The following LRRC53 variants were observed in gnomAD, a reference collection of about 807,000 sequenced individuals.
LRRC53 encodes the protein leucine-rich repeat-containing protein 53.
A neutral mutation model predicts 13.6 loss-of-function variants in LRRC53; 25 were observed. The observed-to-expected ratio is 1.83, with a 90% CI of 1.34 to 2.56. The LOEUF is 2.56. Among genes scored for constraint, LRRC53 ranks in the 30% most tolerant of loss-of-function variants. The probability of loss-of-function intolerance (pLI) is 0.00; values close to 1 mark genes in which losing one functional copy is unlikely to be tolerated. For synonymous variants in LRRC53, 204 were observed against 109.8 expected, an observed-to-expected ratio of 1.86 and a Z score of -5.37; for missense variants, 527 against 275.8, an observed-to-expected ratio of 1.91 and a Z score of -6.45.
upstream of LRRC53, among the ~76,000 whole-genome samples, chr1:74,514,492 A>G (rs1646319820): frequency 6.6e-6 from 1 of 152,216 alleles, no homozygotes; most frequent in South Asian, 2.1e-4. Flanking sequence ...CTTAAGAAGA[A>G]AAGTCTTGAT....
intron 3 of LRRC53, 98 bp downstream of exon 3, chr1:74,480,055 C>T: frequency 1.6e-6 from 1 of 620,996 alleles, no homozygotes; most frequent in Non-Finnish European, 2.9e-6. Flanking sequence ...TTTCCATAGC[C>T]CTGGCAACCA....
At chr1:74,525,743 C>A in the LRRC53 span, among the ~76,000 whole-genome samples, 1 of 152,178 alleles carries the variant, frequency 6.6e-6, no homozygotes, top group Non-Finnish European at 1.5e-5. Context: ...CTTCTTACAG[C>A]ATCCACAGTC....
intron 1 of LRRC53, among the ~76,000 whole-genome samples, chr1:74,486,201 A>AAGAGAGAGAG (rs58506314): frequency 0.036 from 4,932 of 136,422 alleles, 144 homozygotes; most frequent in Non-Finnish European, 0.046. Context: ...AAATGCTATA[A>AAGAGAGAGAG]AGAGAGAGAG....
At chr1:74,485,375 A>G (rs1029650835) in intron 1 of LRRC53, among the ~76,000 whole-genome samples, 5 of 152,192 alleles carry the variant, frequency 3.3e-5, no homozygotes, top group Non-Finnish European at 7.4e-5. Flanking sequence ...CTGGCCGGTT[A>G]GTCGGCCTCA....
intron 3 of LRRC53, among the ~76,000 whole-genome samples, chr1:74,478,227 T>A (rs1419177180): frequency 6.6e-6 from 1 of 152,146 alleles, no homozygotes; most frequent in South Asian, 2.1e-4. Context: ...AAGAAGAATC[T>A]CTTCTCAAAG....
upstream of LRRC53, among the ~76,000 whole-genome samples, chr1:74,517,607 A>G (rs1196030306): frequency 1.3e-5 from 2 of 152,222 alleles, no homozygotes; most frequent in Admixed American, 6.5e-5. Context: ...AGCATTATGT[A>G]TAATCTGCTA....
intron 1 of LRRC53, among the ~76,000 whole-genome samples, chr1:74,503,101 G>A (rs1351347639): frequency 6.6e-6 from 1 of 152,068 alleles, no homozygotes; most frequent in East Asian, 1.9e-4. Flanking sequence ...CACTGTGGTA[G>A]CCAAATGCAG....
At chr1:74,483,200 G>A in intron 2 of LRRC53, 62 bp downstream of exon 2, 1 of 708,928 alleles carries the variant, frequency 1.4e-6, no homozygotes, top group Admixed American at 2.0e-5. Context: ...ACAATGAAAG[G>A]TATGGCAACC....
At chr1:74,519,711 G>T in the LRRC53 span, among the ~76,000 whole-genome samples, 1 of 152,076 alleles carries the variant, frequency 6.6e-6, no homozygotes, top group African/African-American at 2.4e-5. Flanking sequence ...ATCTTTAAAA[G>T]AAAATTACAT....
At position 74,493,149 on chromosome 1, in the gene LRRC53, A is replaced by T. The variant is rs546244404; in HGVS notation, c.-26-9774T>A. The stretch of plus-strand genomic sequence containing the variant: ...TTTGAGGAGGGTCACACTCCAGTCC[A>T]TAGCAATAGGTAAATCTATAAAAAC... On this transcript the variant is annotated intron_variant, in intron 1 of 4. Transcript: ENST00000294635. Among the ~76,000 whole-genome samples the T allele has an allele frequency of 2.6e-5, 4 of 152,326 alleles. No individual in the cohort carries two copies. In the East Asian group the frequency reaches 7.7e-4, roughly 29 times the overall value.
chr1:74,474,848 A>C (rs1326614455), intron 4 of LRRC53, among the ~76,000 whole-genome samples: 5 of 151,972 alleles, frequency 3.3e-5, no homozygotes, highest in Non-Finnish European at 5.9e-5. Flanking sequence ...TCCTGAAATG[A>C]ATCACTAGCA....
chr1:74,507,224 C>CCG (rs1553153837), intron 1 of LRRC53, among the ~76,000 whole-genome samples: 3 of 27,074 alleles, frequency 1.1e-4, no homozygotes, highest in Non-Finnish European at 2.7e-4. Flanking sequence ...AATTTCTTCA[C>CCG]CCCCCCCCCA....
chr1:74,483,307 A>T lies in LRRC53; in HGVS notation c.43T>A (p.Cys15Ser). The part of the protein sequence containing the change: ...VAACPESCVV[C>S]TKDVTLCHQL... ...TGACAGAGGGTTACATCTTTGGTGC[A>T]CACCACACATGACTCAGGGCAAGCT... The change falls in exon 2 of 5, where the codon TGC becomes AGC. Residue 15 changes from cysteine (C) to serine (S), a missense_variant. Coordinates refer to ENST00000294635, the MANE Select transcript of LRRC53 (RefSeq NM_001382280.1). 1 of 717,558 alleles carries T rather than the reference A, an allele frequency of 1.4e-6. No individual in the cohort carries two copies. The highest frequency in any genetic ancestry group is 2.6e-6 in the Non-Finnish European group (1 of 385,008). 44.4% of individuals were successfully genotyped at this position (717,558 alleles called of 1,614,324 possible). A position where few individuals can be genotyped will look rare whatever the true frequency, so the allele number is the denominator to read the frequency against.
intron 2 of LRRC53, among the ~76,000 whole-genome samples, chr1:74,482,389 G>C (rs1447371117): frequency 1.3e-5 from 2 of 152,194 alleles, no homozygotes; most frequent in African/African-American, 4.8e-5. Flanking sequence ...AACTGTCTCT[G>C]ATCAGGAAAA....
chr1:74,472,120 G>C lies in LRRC53; in HGVS notation c.1502C>G (p.Thr501Arg). ...TATTGGAGGCTGCCATGATTCATTT[G>C]TTAAACGCTTCTCAAGACTTTCTCC... ...LAGESLEKRLTNESWQPPIEK... is the reference protein window; with the variant it reads ...LAGESLEKRLRNESWQPPIEK... Residue 501 changes from threonine to arginine, a missense_variant, in exon 5 of 5, where the codon ACA becomes AGA. Thr to Arg is a moderately conservative substitution (Grantham distance 71, BLOSUM62 -1). Coordinates refer to ENST00000294635, the MANE Select transcript of LRRC53 (RefSeq NM_001382280.1). 1 of 717,188 alleles carries C rather than the reference G, an allele frequency of 1.4e-6. No individual in the cohort carries two copies. The highest frequency in any genetic ancestry group is 2.0e-5 in the Admixed American group (1 of 49,988). The allele number at this position is 717,188 out of a possible 1,614,324, so 44.4% of individuals were successfully genotyped here. A position where few individuals can be genotyped will look rare whatever the true frequency, so the allele number is the denominator to read the frequency against.
At chr1:74,498,249 A>G (rs778509618) in intron 1 of LRRC53, among the ~76,000 whole-genome samples, 11 of 152,172 alleles carry the variant, frequency 7.2e-5, no homozygotes, top group African/African-American at 2.7e-4. Context: ...TTTAACCTTG[A>G]CATCCCCCTT....
chr1:74,523,481 C>T, the LRRC53 span, among the ~76,000 whole-genome samples: 2 of 150,224 alleles, frequency 1.3e-5, no homozygotes, highest in East Asian at 4.0e-4. Context: ...AAAGCAACAA[C>T]AAGAAAGAGA....
chr1:74,497,538 A>G lies in LRRC53; in HGVS notation c.-26-14163T>C, dbSNP rs139886028. ...GTCTTCTTGTTGTTTCTACAATCCC[A>G]TGGCTTCAACTCACACCACATACAT... On this transcript the variant is annotated intron_variant, in intron 1 of 4. Coordinates refer to ENST00000294635, the MANE Select transcript of LRRC53 (RefSeq NM_001382280.1). Among the ~76,000 whole-genome samples, 28 of 151,808 alleles carry G rather than the reference A, an allele frequency of 1.8e-4. No homozygotes were observed. The South Asian group carries it at 3.5e-3, about 19-fold the overall frequency.
chr1:74,486,355 T>C (rs1668764753), intron 1 of LRRC53, among the ~76,000 whole-genome samples: 1 of 152,082 alleles, frequency 6.6e-6, no homozygotes, highest in Admixed American at 6.6e-5. Flanking sequence ...GAGTTTCTCG[T>C]TGTTTTCTGT....
Sources: gnomAD v4.1 joint callset for allele counts (sites outside exome capture counted in the v4.1 genomes callset) on GRCh38, gnomAD v4.1.1 for gene constraint, MANE v1.5 for transcripts, NCBI Gene and HGNC (gene_info 2026-07-23, HGNC 2026-07-21) for gene names.